The following LDAH variants were observed in gnomAD, a reference collection of about 807,000 sequenced individuals.
LDAH encodes lipid droplet-associated hydrolase.
A neutral mutation model predicts 29.6 loss-of-function variants in LDAH; 26 were observed. The ratio of observed to expected loss-of-function variants is 0.88; its 90% CI spans 0.64 to 1.22. The LOEUF (loss-of-function observed/expected upper bound fraction) is 1.22. Ranked by LOEUF, LDAH falls within the 50% of genes most tolerant of loss-of-function variation. LDAH has a pLI of 0.00. For synonymous variants in LDAH, 117 were observed against 133.0 expected (o/e 0.88, Z 0.83); for missense variants, 344 against 387.3 (o/e 0.89, Z 0.94).
At chr2:20,716,090 A>C (rs1337326314) in intron 5 of LDAH, among the ~76,000 whole-genome samples, 2 of 152,196 alleles carry the variant, frequency 1.3e-5, no homozygotes, top group East Asian at 3.8e-4. Context: ...GATGCTGGAG[A>C]GGATATGGAG....
chr2:20,699,857 A>T (rs1317378147), intron 6 of LDAH, among the ~76,000 whole-genome samples: 1 of 152,216 alleles, frequency 6.6e-6, no homozygotes, highest in Admixed American at 6.5e-5. Flanking sequence ...TTGCATATGG[A>T]TTTCACTTGG....
chr2:20,819,422 A>T (rs1234740267), intron 1 of LDAH, among the ~76,000 whole-genome samples: 1 of 152,202 alleles, frequency 6.6e-6, no homozygotes, highest in Non-Finnish European at 1.5e-5. Flanking sequence ...TACAAGGGAG[A>T]AAATGCTGAA....
intron 1 of LDAH, among the ~76,000 whole-genome samples, chr2:20,819,887 CCTT>C (rs1344632361): frequency 6.6e-6 from 1 of 152,196 alleles, no homozygotes; most frequent in Non-Finnish European, 1.5e-5. Context: ...CCCAAAATCT[CCTT>C]AAGCTGATAA....
intron 5 of LDAH, among the ~76,000 whole-genome samples, chr2:20,705,094 A>C (rs545655678): frequency 2.2e-4 from 34 of 152,334 alleles, no homozygotes; most frequent in African/African-American, 8.2e-4. Context: ...AGTAACTAAT[A>C]AAAAGATACA....
rs1422176946 is a variant in LDAH at position 20,771,742 on chromosome 2, C to T, written c.468+3068G>A. ...CAGATGTTCACTGCCCCTCCTACCC[C>T]CCAAAAGAGGTGACCTTTTGGACAA... On this transcript the variant is annotated intron_variant, in intron 4 of 6. Coordinates refer to ENST00000237822, the MANE Select transcript of LDAH (RefSeq NM_021925.4). Among the ~76,000 whole-genome samples the T allele has an allele frequency of 2.6e-5, 4 of 151,002 alleles. No individual in the cohort carries two copies. The East Asian group carries it at 7.8e-4, about 29-fold the overall frequency.
intron 3 of LDAH, among the ~76,000 whole-genome samples, chr2:20,788,265 T>C (rs1420752479): frequency 6.6e-6 from 1 of 152,232 alleles, no homozygotes; most frequent in Non-Finnish European, 1.5e-5. Flanking sequence ...GATAAATTGA[T>C]ACTGTTTATC....
intron 5 of LDAH, among the ~76,000 whole-genome samples, chr2:20,738,312 G>A (rs974160999): frequency 6.9e-6 from 1 of 145,756 alleles, no homozygotes; most frequent in Non-Finnish European, 1.5e-5. Flanking sequence ...GCAAAATACA[G>A]TAATTAAGAA....
chr2:20,724,837 T>G (rs1253310791), intron 5 of LDAH, among the ~76,000 whole-genome samples: 1 of 152,210 alleles, frequency 6.6e-6, no homozygotes, highest in African/African-American at 2.4e-5. Flanking sequence ...GTTTTGGTGG[T>G]ACGTAGCCTA....
chr2:20,773,090 A>C (rs1452508288), intron 4 of LDAH, among the ~76,000 whole-genome samples: 1 of 152,180 alleles, frequency 6.6e-6, no homozygotes, highest in Non-Finnish European at 1.5e-5. Context: ...ACAATAGTTA[A>C]CCTAATGACT....
chr2:20,687,200 C>T (rs1662625164), intron 6 of LDAH, 106 bp from the exon 7 acceptor site: 1 of 840,054 alleles, frequency 1.2e-6, no homozygotes. Flanking sequence ...TACGCCTGAC[C>T]CTGGGAGCTA....
intron 4 of LDAH, among the ~76,000 whole-genome samples, chr2:20,756,933 T>G (rs1489984930): frequency 6.6e-6 from 1 of 152,170 alleles, no homozygotes; most frequent in Non-Finnish European, 1.5e-5. Flanking sequence ...ATTAAAAACT[T>G]GAAATGACAT....
rs143035704 is a variant in LDAH, at chr2:20,684,429, C to T, written c.*2474G>A. ...TCTTTTTTAAAAATTATTTTAGACA[C>T]GAGGTCTCGTTTTTTGCACGGGCTG... On this transcript the variant is annotated 3_prime_UTR_variant, in exon 7 of 7. Transcript: ENST00000237822. 5.4e-4 allele frequency: 82 copies of T among 152,916 alleles called. No homozygotes were observed. Among genetic ancestry groups the T allele is most frequent in the African/African-American group, 1.8e-3 (74 of 41,496 alleles). The allele number at this position is 152,916 out of a possible 1,614,324, so 9.5% of individuals were successfully genotyped here.
rs367780694 is a variant in LDAH, at chr2:20,696,724, T to A, written c.786+4846A>T. 1.5e-3 allele frequency among the ~76,000 whole-genome samples: 227 copies of A among 151,914 alleles called. 4 individuals are homozygous for A. In the South Asian group the frequency reaches 0.043, roughly 29 times the overall value. On this transcript the variant is annotated intron_variant, in intron 6 of 6. Transcript: ENST00000237822. ...TTAGAACAGTGACAGAACAAGGGAGTGCTGACCTCTTATTTGCCTCTGACA... is the reference window on the plus strand; with the variant it reads ...TTAGAACAGTGACAGAACAAGGGAGAGCTGACCTCTTATTTGCCTCTGACA...
At chr2:20,761,817 G>T (rs1668708620) in intron 4 of LDAH, among the ~76,000 whole-genome samples, 1 of 150,730 alleles carries the variant, frequency 6.6e-6, no homozygotes. Context: ...ATCTATCCTG[G>T]AACAACTTTC....
At chr2:20,727,973 A>G (rs940531946) in intron 5 of LDAH, among the ~76,000 whole-genome samples, 1 of 152,346 alleles carries the variant, frequency 6.6e-6, no homozygotes, top group East Asian at 1.9e-4. Flanking sequence ...CTAATGCCCC[A>G]GAACTCAAGC....
At chr2:20,707,921 C>T (rs4971535) in intron 5 of LDAH, among the ~76,000 whole-genome samples, 35,772 of 151,974 alleles carry the variant, frequency 0.24, 4,773 homozygotes, top group East Asian at 0.36. Flanking sequence ...ATTAGATTCT[C>T]AGAGGAGTGC....
At chr2:20,744,306 C>A (rs1168245799) in intron 4 of LDAH, among the ~76,000 whole-genome samples, 1 of 147,738 alleles carries the variant, frequency 6.8e-6, no homozygotes, top group Non-Finnish European at 1.5e-5. Flanking sequence ...GTAAAAGGAA[C>A]TTTTATAAAT....
intron 5 of LDAH, among the ~76,000 whole-genome samples, chr2:20,737,218 C>T (rs1236780389): frequency 3.9e-5 from 6 of 152,154 alleles, no homozygotes; most frequent in Non-Finnish European, 7.3e-5. Context: ...CCTACATAGC[C>T]TGCTTTCTAT....
chr2:20,744,107 G>A (rs1385610297), intron 4 of LDAH, among the ~76,000 whole-genome samples: 1 of 151,614 alleles, frequency 6.6e-6, no homozygotes, highest in Non-Finnish European at 1.5e-5. Context: ...CTTGAATGAT[G>A]CCTTCTTTAT....
Sources: allele counts gnomAD v4.1 joint callset (sites outside exome capture counted in the v4.1 genomes callset), GRCh38; gene constraint gnomAD v4.1.1; transcripts MANE v1.5; gene names NCBI Gene and HGNC (gene_info 2026-07-23, HGNC 2026-07-21).